OR51B5: variants seen among roughly 807,000 people sequenced by gnomAD.
OR51B5 encodes the protein olfactory receptor family 51 subfamily B member 5, also known as olfactory receptor 51B5.
For synonymous variants in OR51B5, 186 were observed against 144.8 expected (o/e 1.28, Z -2.04); for missense variants, 456 against 374.6 (o/e 1.22, Z -1.79).
At chr11:5,466,931 T>C (rs1339635961) in intron 1 of OR51B5, among the ~76,000 whole-genome samples, 2 of 152,246 alleles carry the variant, frequency 1.3e-5, no homozygotes, top group South Asian at 2.1e-4. Context: ...CTGCTTTCTC[T>C]AAGCCCTTTC....
chr11:5,477,670 C>T (rs192622830), intron 1 of OR51B5, among the ~76,000 whole-genome samples: 40 of 152,136 alleles, frequency 2.6e-4, no homozygotes, highest in Middle Eastern at 3.4e-3. Flanking sequence ...GTGCGCGAGC[C>T]GAAGCAGGGT....
intron 1 of OR51B5, among the ~76,000 whole-genome samples, chr11:5,384,546 G>A (rs957538068): frequency 6.6e-6 from 1 of 152,164 alleles, no homozygotes; most frequent in African/African-American, 2.4e-5. Context: ...CTCCCCTGAT[G>A]AGTGCCTGCA....
intron 1 of OR51B5, among the ~76,000 whole-genome samples, chr11:5,441,702 G>T (rs566376388): frequency 6.6e-6 from 1 of 152,234 alleles, no homozygotes; most frequent in East Asian, 1.9e-4. Context: ...TGTACCACCA[G>T]GGCCCTGCTC....
In OR51B5 at chr11:5,351,639, C is replaced by A. The variant is rs1469333960; in HGVS notation, n.85-4729G>T. ...TACTTCTTGGCAATGGCACTCTTCT[C>A]TTTCTCATCAGGAATGATCATAACC... is the stretch of plus-strand genomic sequence containing the variant. On this transcript the variant is annotated intron_variant and non_coding_transcript_variant, in intron 1 of 4. Coordinates refer to the OR51B5 transcript ENST00000415970. 5 of 1,614,138 alleles carry A rather than the reference C, an allele frequency of 3.1e-6. 1 individual carries two copies. The South Asian group carries it at 5.5e-5, about 18-fold the overall frequency.
chr11:5,368,899 A>G (rs1004023364), intron 1 of OR51B5, among the ~76,000 whole-genome samples: 1 of 152,102 alleles, frequency 6.6e-6, no homozygotes, highest in African/African-American at 2.4e-5. Context: ...CCTTCTGAGG[A>G]TGTTGGAAGC....
intron 1 of OR51B5, chr11:5,422,328 G>A: frequency 6.2e-7 from 1 of 1,613,998 alleles, no homozygotes; most frequent in African/African-American, 1.3e-5. Context: ...TCCATCATGG[G>A]CAATACCACC....
At chr11:5,462,154 T>C (rs1851065646) in intron 1 of OR51B5, among the ~76,000 whole-genome samples, 1 of 152,188 alleles carries the variant, frequency 6.6e-6, no homozygotes, top group Non-Finnish European at 1.5e-5. Flanking sequence ...GTCATGGGTA[T>C]GTTTCTCGTC....
chr11:5,486,477 G>A (rs1206616310), intron 1 of OR51B5, among the ~76,000 whole-genome samples: 1 of 74,684 alleles, frequency 1.3e-5, no homozygotes, highest in Non-Finnish European at 2.6e-5. Flanking sequence ...GAAATGTGGG[G>A]GCATGTGACA....
chr11:5,418,809 A>G (rs1303672554), intron 1 of OR51B5, among the ~76,000 whole-genome samples: 2 of 150,992 alleles, frequency 1.3e-5, no homozygotes, highest in Non-Finnish European at 2.9e-5. Context: ...GCAAACCATC[A>G]TGGCACGTGT....
At chr11:5,495,760 G>T (rs191164231) in intron 1 of OR51B5, among the ~76,000 whole-genome samples, 3 of 152,236 alleles carry the variant, frequency 2.0e-5, no homozygotes, top group Admixed American at 2.0e-4. Flanking sequence ...AAATTAAATA[G>T]ATTACATTCT....
At chr11:5,425,566 T>C (rs1159739249) in intron 1 of OR51B5, among the ~76,000 whole-genome samples, 1 of 152,182 alleles carries the variant, frequency 6.6e-6, no homozygotes, top group East Asian at 1.9e-4. Flanking sequence ...TAAAACATCA[T>C]GATATGTTTA....
At chr11:5,404,738 C>T (rs144341802) in intron 1 of OR51B5, among the ~76,000 whole-genome samples, 8,709 of 152,222 alleles carry the variant, frequency 0.057, 315 homozygotes, top group Middle Eastern at 0.12. Flanking sequence ...ACACTCACTG[C>T]GAAGGTCTGC....
chr11:5,448,892 T>C (rs1850806655), intron 1 of OR51B5, among the ~76,000 whole-genome samples: 1 of 152,220 alleles, frequency 6.6e-6, no homozygotes, highest in Admixed American at 6.5e-5. Flanking sequence ...ATTATCTGAA[T>C]GTGACCAGAA....
chr11:5,372,335 G>C (rs555996151), intron 1 of OR51B5, among the ~76,000 whole-genome samples: 6 of 141,388 alleles, frequency 4.2e-5, no homozygotes, highest in Admixed American at 7.0e-5. Flanking sequence ...AGTTGTTTGA[G>C]AAACTTCCAT....
At chr11:5,488,291 TAGAG>T (rs1170643923) in intron 1 of OR51B5, among the ~76,000 whole-genome samples, 2 of 151,864 alleles carry the variant, frequency 1.3e-5, no homozygotes, top group African/African-American at 4.8e-5. Flanking sequence ...TAAAACTTAA[TAGAG>T]AGGAGGAAAA....
intron 1 of OR51B5, among the ~76,000 whole-genome samples, chr11:5,415,023 C>A (rs1248497413): frequency 2.5e-3 from 377 of 151,812 alleles, no homozygotes; most frequent in African/African-American, 8.4e-3. Context: ...ACATAGTTGG[C>A]AGTAAAGCTC....
At chr11:5,464,203 T>G (rs1851098049) in intron 1 of OR51B5, among the ~76,000 whole-genome samples, 2 of 152,270 alleles carry the variant, frequency 1.3e-5, no homozygotes. Context: ...TGGGTTTTTC[T>G]ATATTTGAAA....
In OR51B5 at chr11:5,434,407, T is replaced by C. The variant is rs998081607; in HGVS notation, n.84+71162A>G. Among the ~76,000 whole-genome samples, 20 of 152,208 alleles carry C rather than the reference T, an allele frequency of 1.3e-4. 1 individual carries two copies. Among genetic ancestry groups the C allele is most frequent in the African/African-American group, 2.4e-5 (1 of 41,460 alleles). On this transcript the variant is annotated intron_variant and non_coding_transcript_variant, in intron 1 of 4. Coordinates refer to the OR51B5 transcript ENST00000415970. ...CATCCTGAAGCTCCTCTGAATTGAC[T>C]TGGATTTGCTTATAACACTCCAGGG...
At chr11:5,354,198 A>T (rs960888617) in intron 1 of OR51B5, among the ~76,000 whole-genome samples, 8 of 152,172 alleles carry the variant, frequency 5.3e-5, no homozygotes, top group African/African-American at 1.9e-4. Flanking sequence ...CTTCCAAGAT[A>T]TGGGCAATGT....
Sources: allele counts gnomAD v4.1 joint callset (sites outside exome capture counted in the v4.1 genomes callset), GRCh38; gene constraint gnomAD v4.1.1; transcripts MANE v1.5; gene names NCBI Gene and HGNC (gene_info 2026-07-23, HGNC 2026-07-21).